The following DHRS7 variants were observed in gnomAD, a reference collection of about 807,000 sequenced individuals.
DHRS7 encodes dehydrogenase/reductase SDR family member 7.
DHRS7 carries 34 observed loss-of-function variants against 38.9 expected under a neutral mutation model. The ratio of observed to expected loss-of-function variants is 0.87; its 90% CI spans 0.66 to 1.16. The LOEUF (loss-of-function observed/expected upper bound fraction) is 1.16, where lower values mean the gene tolerates loss of function less well. DHRS7 is among the 50% of genes most tolerant of loss of function. DHRS7 has a pLI of 0.00. For missense variants in DHRS7, 421 were observed against 407.0 expected, an observed-to-expected ratio of 1.03 and a Z score of -0.30; for synonymous variants, 158 against 153.1, an observed-to-expected ratio of 1.03 and a Z score of -0.24.
intron 1 of DHRS7, among the ~76,000 whole-genome samples, chr14:60,158,263 T>C (rs2140606848): frequency 6.8e-6 from 1 of 146,192 alleles, no homozygotes; most frequent in East Asian, 2.1e-4. Context: ...AAATCTCAAC[T>C]AAGGATGGAA....
At chr14:60,152,574 T>C (rs1896567677) in intron 4 of DHRS7, 1 of 216,224 alleles carries the variant, frequency 4.6e-6, no homozygotes, top group Non-Finnish European at 9.4e-6. Flanking sequence ...AAAGGAGAAG[T>C]GGACCCCCAA....
chr14:60,159,191 C>A, intron 1 of DHRS7: 1 of 359,986 alleles, frequency 2.8e-6, no homozygotes, highest in Non-Finnish European at 5.6e-6. Flanking sequence ...TCAAGATCTC[C>A]CTGTCAGAGG....
At chr14:60,165,502 C>G, upstream of DHRS7, 1 of 1,304,558 alleles carries the variant, frequency 7.7e-7, no homozygotes, top group Non-Finnish European at 9.7e-7. The surrounding 1 kb of genome is among the most constrained non-coding windows in gnomAD (Gnocchi z 4.6). Flanking sequence ...CACTCGCGGT[C>G]CTTGGGCGGC....
chr14:60,161,385 G>A lies in DHRS7; in HGVS notation c.133+3792C>T, dbSNP rs1896762266. On this transcript the variant is annotated intron_variant, in intron 1 of 6. Coordinates refer to ENST00000557185, the MANE Select transcript of DHRS7 (RefSeq NM_016029.4). The surrounding 1 kb of genome is among the most constrained non-coding windows in gnomAD (Gnocchi z 4.2). Reference sequence around the variant, plus strand: ...TGACCTAGACAGACATTTAAATTGTGTTGCAATTCTGCTTTCTTGTTTTAC... The same window carrying A: ...TGACCTAGACAGACATTTAAATTGTATTGCAATTCTGCTTTCTTGTTTTAC... Among the ~76,000 whole-genome samples, 1 of 152,124 alleles carries A rather than the reference G, an allele frequency of 6.6e-6. No homozygotes were observed. The highest frequency in any genetic ancestry group is 1.5e-5 in the Non-Finnish European group (1 of 68,030).
chr14:60,144,722 G>A lies in DHRS7; in HGVS notation c.*244C>T, dbSNP rs1896353500. On this transcript the variant is annotated 3_prime_UTR_variant, in exon 7 of 7. Coordinates refer to ENST00000557185, the MANE Select transcript of DHRS7 (RefSeq NM_016029.4). The stretch of plus-strand genomic sequence containing the variant: ...CTGTTAACTTAGATTTTAAGCATAT[G>A]TGCTAAAGTATTTTAAAAGGTTATT... 2.4e-6 allele frequency: 1 copy of A among 422,768 alleles called. No homozygotes were observed. The highest frequency in any genetic ancestry group is 2.1e-5 in the African/African-American group (1 of 47,602). 26.2% of individuals were successfully genotyped at this position (422,768 alleles called of 1,614,324 possible).
At chr14:60,147,326 G>C (rs1375245891) in intron 6 of DHRS7, 1 of 152,116 alleles carries the variant, frequency 6.6e-6, no homozygotes, top group Admixed American at 6.5e-5. Context: ...ATACCGCATG[G>C]TGACTACAGT....
intron 4 of DHRS7, among the ~76,000 whole-genome samples, chr14:60,152,424 C>T (rs1896563956): frequency 1.3e-5 from 2 of 152,166 alleles, no homozygotes; most frequent in African/African-American, 4.8e-5. Flanking sequence ...GAGACCAGGA[C>T]TAATCATCCT....
chr14:60,155,257 T>C (rs1182171104), intron 2 of DHRS7, among the ~76,000 whole-genome samples: 1 of 152,140 alleles, frequency 6.6e-6, no homozygotes, highest in Non-Finnish European at 1.5e-5. Flanking sequence ...GAGACCAGCA[T>C]GGCCAACATG....
chr14:60,165,034 C>A lies in DHRS7; in HGVS notation c.133+143G>T. On this transcript the variant is annotated intron_variant, in intron 1 of 6. Coordinates refer to ENST00000557185, the MANE Select transcript of DHRS7 (RefSeq NM_016029.4). The surrounding 1 kb of genome is among the most constrained non-coding windows in gnomAD (Gnocchi z 4.6). ...CTTCCTCCCCAACCCGCAGCCCCTG[C>A]GTAAGGGGCAGCCGGGCCTTCGGGA... 1 of 1,055,024 alleles carries A rather than the reference C, an allele frequency of 9.5e-7. No homozygotes were observed. The highest frequency in any genetic ancestry group is 2.9e-4 in the Middle Eastern group (1 of 3,424). The allele number at this position is 1,055,024 out of a possible 1,614,324, so 65.4% of individuals were successfully genotyped here.
rs763096800 is a variant in DHRS7 at position 60,145,201 on chromosome 14, T to C, written c.973-188A>G. The C allele has an allele frequency of 6.6e-6, 3 of 457,412 alleles. No individual in the cohort carries two copies. Among genetic ancestry groups the C allele is most frequent in the Non-Finnish European group, 7.6e-6 (2 of 264,606 alleles). 28.3% of individuals were successfully genotyped at this position (457,412 alleles called of 1,614,324 possible). ...CCAAAATTCTAGATGTACACAAAAGTACTTCTAATGAGTTTAGCATCATCT... is the reference window on the plus strand; with the variant it reads ...CCAAAATTCTAGATGTACACAAAAGCACTTCTAATGAGTTTAGCATCATCT... On this transcript the variant is annotated intron_variant, in intron 6 of 6. Transcript: ENST00000557185. The surrounding 1 kb of genome is among the most constrained non-coding windows in gnomAD (Gnocchi z 4.0).
chr14:60,164,489 T>A (rs925597073), intron 1 of DHRS7, among the ~76,000 whole-genome samples: 4 of 152,162 alleles, frequency 2.6e-5, no homozygotes, highest in African/African-American at 7.2e-5. Flanking sequence ...AGAGTTGTTG[T>A]AAAAGTTAAA....
chr14:60,167,500 C>CAGTCCCATTCATGGCAGCTA (rs1896882784), upstream of DHRS7, among the ~76,000 whole-genome samples: 1 of 151,994 alleles, frequency 6.6e-6, no homozygotes, highest in Non-Finnish European at 1.5e-5. Context: ...GGTCTGGGGT[C>CAGTCCCATTCATGGCAGCTA]AGGCCCATTC....
intron 1 of DHRS7, among the ~76,000 whole-genome samples, chr14:60,157,327 A>C (rs1023022817): frequency 1.3e-5 from 2 of 152,240 alleles, no homozygotes; most frequent in African/African-American, 4.8e-5. Context: ...AAATGAGTTA[A>C]AACATGGAAA....
chr14:60,163,190 A>G (rs1304610398), intron 1 of DHRS7, among the ~76,000 whole-genome samples: 1 of 152,200 alleles, frequency 6.6e-6, no homozygotes, highest in African/African-American at 2.4e-5. Context: ...AGAAAAAGAA[A>G]AAAAGCTTAC....
chr14:60,159,736 C>A (rs926266564), intron 1 of DHRS7, among the ~76,000 whole-genome samples: 3 of 152,132 alleles, frequency 2.0e-5, no homozygotes, highest in Non-Finnish European at 2.9e-5. Context: ...TTCTTGGGCC[C>A]CTTCTCCACT....
At chr14:60,147,942 T>C (rs1436849759) in intron 6 of DHRS7, 1 of 152,236 alleles carries the variant, frequency 6.6e-6, no homozygotes, top group African/African-American at 2.4e-5. Flanking sequence ...TACTCTTTGA[T>C]GAAACTCTAC....
rs777507437 is a variant in DHRS7, at chr14:60,152,963, G to A, written c.609C>T (p.Tyr203=). 9.9e-6 allele frequency: 16 copies of A among 1,614,118 alleles called. No individual in the cohort carries two copies. The highest frequency in any genetic ancestry group is 1.4e-5 in the Non-Finnish European group (16 of 1,179,976). Reference sequence around the variant, plus strand: ...CCCGGAGAGCATGCTTGCTAGCACAGTATCCAATGGAAAGAGGTACAGATA... The same window carrying A: ...CCCGGAGAGCATGCTTGCTAGCACAATATCCAATGGAAAGAGGTACAGATA... ...GIISVPLSIG[Y]CASKHALRGF... is the part of the protein sequence containing the mutation. Residue 203 remains tyrosine (Y), a synonymous_variant, in exon 4 of 7, where the codon TAC becomes TAT. Transcript: ENST00000557185.
At chr14:60,159,214 G>A (rs1026982492) in intron 1 of DHRS7, 13 of 364,806 alleles carry the variant, frequency 3.6e-5, no homozygotes, top group Middle Eastern at 9.1e-4. Flanking sequence ...ATGCGGTTAC[G>A]GAAGAAAATC....
At position 60,149,492 on chromosome 14, in the gene DHRS7, GC is replaced by G. The variant is rs1419390026; in HGVS notation, c.832del (p.Ala278ProfsTer4). On this transcript the variant is annotated frameshift_variant, in exon 6 of 7. Coordinates refer to ENST00000557185, the MANE Select transcript of DHRS7 (RefSeq NM_016029.4). LOFTEE classifies it high-confidence loss of function. ...GATCCAAACTTCTTTCAAATCATTG[GC>G]CATGCTGATTAACATCAGCCGCACA... ...RCVRLMLISM[A>X]NDLKEVWISE... 7.4e-6 allele frequency: 12 copies of G among 1,613,936 alleles called. No homozygotes were observed. The highest frequency in any genetic ancestry group is 1.0e-5 in the Non-Finnish European group (12 of 1,180,000).
Sources: gnomAD v4.1 joint callset for allele counts (sites outside exome capture counted in the v4.1 genomes callset) on GRCh38, gnomAD v4.1.1 for gene constraint, Gnocchi (gnomAD v3.1) non-coding constraint, MANE v1.5 for transcripts, NCBI Gene and HGNC (gene_info 2026-07-23, HGNC 2026-07-21) for gene names.